Variants in TBL1X observed in about 807,000 individuals in gnomAD.
The protein encoded by TBL1X is transducin beta like 1 X-linked.
TBL1X carries 10 observed loss-of-function variants against 50.7 expected under a neutral mutation model. The observed-to-expected ratio is 0.20, with a 90% CI of 0.12 to 0.33. The LOEUF (loss-of-function observed/expected upper bound fraction) is 0.33. TBL1X is among the 10% of genes least tolerant of loss of function. TBL1X has a pLI of 1.00. For synonymous variants in TBL1X, 190 were observed against 214.7 expected (o/e 0.88, Z 1.01); for missense variants, 340 against 504.4 (o/e 0.67, Z 3.12).
At chrX:9,536,274 T>C (rs982313779) in intron 2 of TBL1X, among the ~76,000 whole-genome samples, 1 of 107,686 alleles carries the variant, frequency 9.3e-6, no homozygotes, top group East Asian at 3.0e-4. Context: ...TTTTTTTAGA[T>C]GGAGTCTTGC....
intron 2 of TBL1X, among the ~76,000 whole-genome samples, chrX:9,600,543 C>T (rs1046129302): frequency 1.9e-5 from 2 of 107,704 alleles, no homozygotes; most frequent in African/African-American, 6.9e-5. Flanking sequence ...GAGAGAATGA[C>T]GTTGTTCCTT....
At chrX:9,703,397 G>T (rs764265885) in intron 12 of TBL1X, among the ~76,000 whole-genome samples, 2 of 111,648 alleles carry the variant, frequency 1.8e-5, no homozygotes, top group African/African-American at 6.5e-5. Flanking sequence ...CTGCTCATCA[G>T]TTCTCTGGCA....
intron 12 of TBL1X, among the ~76,000 whole-genome samples, chrX:9,702,538 C>T (rs1039830339): frequency 7.8e-5 from 8 of 102,708 alleles, no homozygotes; most frequent in South Asian, 4.7e-4. Flanking sequence ...CCCAGGAGTT[C>T]GAGGCTGCAG....
chrX:9,466,853 A>G (rs1015413605), intron 1 of TBL1X, among the ~76,000 whole-genome samples: 4 of 112,556 alleles, frequency 3.6e-5, no homozygotes, highest in Non-Finnish European at 5.6e-5. Context: ...GTGGAAAGCC[A>G]CCAAGCTGGG....
intron 2 of TBL1X, among the ~76,000 whole-genome samples, chrX:9,564,381 TCAAA>T (rs1441276405): frequency 9.0e-6 from 1 of 111,359 alleles, no homozygotes; most frequent in Non-Finnish European, 1.9e-5. Context: ...GAAGGAATTC[TCAAA>T]CAAAGGTGTT....
At chrX:9,548,642 C>T (rs1455418174) in intron 2 of TBL1X, among the ~76,000 whole-genome samples, 3 of 112,241 alleles carry the variant, frequency 2.7e-5, no homozygotes, top group Middle Eastern at 4.2e-3. Context: ...GATCCAAAAC[C>T]GTGACGACTG....
In TBL1X at chrX:9,492,838, G is replaced by GGTGTGTGT. The variant is rs774050435; in HGVS notation, c.-200-8889_-200-8882dup. Among the ~76,000 whole-genome samples, 107 of 56,998 alleles carry GGTGTGTGT rather than the reference G, an allele frequency of 1.9e-3. 1 individual carries two copies. Among genetic ancestry groups the GGTGTGTGT allele is most frequent in the South Asian group, 3.7e-3 (3 of 812 alleles). 49.5% of individuals were successfully genotyped at this position (56,998 alleles called of 115,157 possible). ...AATATTGTTGAGATTGGGGCTAGAG[G>GGTGTGTGT]GTGTGTGTGTGTGTGTGTGTGTGTG... On this transcript the variant is annotated intron_variant, in intron 1 of 17. Transcript: ENST00000645353.
intron 2 of TBL1X, among the ~76,000 whole-genome samples, chrX:9,549,845 G>T (rs761350316): frequency 8.1e-5 from 9 of 111,565 alleles, no homozygotes; most frequent in Non-Finnish European, 3.8e-5. Flanking sequence ...TCACACGAAT[G>T]GTTCAGAGTC....
intron 5 of TBL1X, among the ~76,000 whole-genome samples, chrX:9,669,285 G>A (rs951019961): frequency 8.9e-6 from 1 of 111,792 alleles, no homozygotes; most frequent in African/African-American, 3.3e-5. Flanking sequence ...CATCTATAAC[G>A]AAAGAGGCCT....
In TBL1X at chrX:9,709,740, C is replaced by T. The variant is rs1342232139; in HGVS notation, c.1419C>T (p.Asn473=). 2.5e-6 allele frequency: 3 copies of T among 1,208,481 alleles called. No individual in the cohort carries two copies. Among genetic ancestry groups the T allele is most frequent in the Non-Finnish European group, 2.2e-6 (2 of 894,203 alleles). The change falls in exon 15 of 18, where the codon AAC becomes AAT. Residue 473 remains asparagine (N), a synonymous_variant. Coordinates refer to ENST00000645353, the MANE Select transcript of TBL1X (RefSeq NM_005647.4). ...SPTGPATSNP[N]SNIMLASASF... ...CTGGGCCCGCCACCAGCAACCCAAA[C>T]TCCAACATCATGTTGGCAAGGTAAG...
chrX:9,642,852 T>C (rs754047448), intron 3 of TBL1X, among the ~76,000 whole-genome samples: 1 of 112,446 alleles, frequency 8.9e-6, no homozygotes, highest in African/African-American at 3.2e-5. Flanking sequence ...ACCCTATTTA[T>C]AGACACTGAT....
intron 1 of TBL1X, among the ~76,000 whole-genome samples, chrX:9,470,793 C>T (rs1047643995): frequency 9.0e-6 from 1 of 110,783 alleles, no homozygotes; most frequent in Non-Finnish European, 1.9e-5. Flanking sequence ...CACCACCATG[C>T]CCGGCTAATT....
At chrX:9,553,995 C>G (rs1488713812) in intron 2 of TBL1X, among the ~76,000 whole-genome samples, 1 of 111,527 alleles carries the variant, frequency 9.0e-6, no homozygotes, top group African/African-American at 3.3e-5. Flanking sequence ...ATCCTCCCAC[C>G]TCAGCCTCCT....
chrX:9,556,436 T>C (rs1434010854), intron 2 of TBL1X, among the ~76,000 whole-genome samples: 1 of 108,865 alleles, frequency 9.2e-6, no homozygotes, highest in African/African-American at 3.4e-5. Context: ...GGTGCAAGAA[T>C]TGCTTCAGCT....
intron 2 of TBL1X, among the ~76,000 whole-genome samples, chrX:9,597,178 C>T (rs2082530698): frequency 9.0e-6 from 1 of 111,414 alleles, no homozygotes; most frequent in Non-Finnish European, 1.9e-5. Flanking sequence ...GTTCAACAAC[C>T]ACAGGAGAGG....
chrX:9,505,925 C>T (rs972135740), intron 2 of TBL1X, among the ~76,000 whole-genome samples: 2 of 112,103 alleles, frequency 1.8e-5, no homozygotes, highest in East Asian at 2.8e-4. Flanking sequence ...ATTCAGGACT[C>T]GAACTCAGAT....
At chrX:9,704,692 CT>C (rs1468775335) in intron 12 of TBL1X, among the ~76,000 whole-genome samples, 1 of 105,896 alleles carries the variant, frequency 9.4e-6, no homozygotes, top group African/African-American at 3.5e-5. Context: ...CAAGGCCATC[CT>C]GGGCAATATA....
chrX:9,709,189 G>A (rs2083229119), intron 13 of TBL1X, 59 bp from the exon 14 acceptor site: 10 of 1,135,185 alleles, frequency 8.8e-6, no homozygotes, highest in Admixed American at 6.8e-5. Context: ...CTGCTGGAAG[G>A]TGACCTCATC....
At chrX:9,617,170 A>G (rs2082643366) in intron 2 of TBL1X, among the ~76,000 whole-genome samples, 1 of 111,673 alleles carries the variant, frequency 9.0e-6, no homozygotes, top group Admixed American at 9.5e-5. Flanking sequence ...TGTGGTGGGC[A>G]TTATGAGATA....
Sources: allele counts gnomAD v4.1 joint callset (sites outside exome capture counted in the v4.1 genomes callset), GRCh38; gene constraint gnomAD v4.1.1; transcripts MANE v1.5; gene names NCBI Gene and HGNC (gene_info 2026-07-23, HGNC 2026-07-21).